VPS13B: variants seen among roughly 807,000 people sequenced by gnomAD.
The protein encoded by VPS13B is vacuolar protein sorting 13 homolog B, also known as intermembrane lipid transfer protein VPS13B.
In VPS13B, 285 loss-of-function variants were observed where a neutral mutation model predicts 426.4. That is an observed-to-expected ratio of 0.67 (90% CI 0.61 to 0.74). The LOEUF (loss-of-function observed/expected upper bound fraction) is 0.74. VPS13B is among the 30% of genes least tolerant of loss of function. VPS13B has a pLI of 0.00. For missense variants in VPS13B, 4,537 were observed against 4,782.6 expected, an observed-to-expected ratio of 0.95 and a Z score of 1.51; for synonymous variants, 1,676 against 1,676.4, an observed-to-expected ratio of 1.00 and a Z score of 0.01.
At chr8:99,535,541 A>G (rs1381243929) in intron 30 of VPS13B, among the ~76,000 whole-genome samples, 9 of 152,356 alleles carry the variant, frequency 5.9e-5, no homozygotes, top group East Asian at 1.9e-4. Flanking sequence ...AGGTAATGAA[A>G]AATACAAACA....
intron 3 of VPS13B, among the ~76,000 whole-genome samples, chr8:99,063,984 A>G (rs1249498954): frequency 6.6e-6 from 1 of 152,204 alleles, no homozygotes; most frequent in African/African-American, 2.4e-5. Flanking sequence ...GCAAACTCCA[A>G]CAGACTTGCA....
At chr8:99,417,877 A>G (rs1466170247) in intron 21 of VPS13B, among the ~76,000 whole-genome samples, 1 of 151,914 alleles carries the variant, frequency 6.6e-6, no homozygotes, top group African/African-American at 2.4e-5. Context: ...TATTGTTTAT[A>G]TCCTGCAAAT....
intron 33 of VPS13B, among the ~76,000 whole-genome samples, chr8:99,587,933 T>C (rs1470473715): frequency 6.6e-6 from 1 of 151,804 alleles, no homozygotes; most frequent in Non-Finnish European, 1.5e-5. Context: ...TAGGTTTTCT[T>C]CTAGGGTTTT....
chr8:99,282,798 C>A (rs771564639), intron 19 of VPS13B, among the ~76,000 whole-genome samples: 3 of 152,044 alleles, frequency 2.0e-5, no homozygotes, highest in Non-Finnish European at 4.4e-5. Flanking sequence ...GTAAACCAGT[C>A]TTTATTATCT....
chr8:99,113,669 A>G (rs1165356348), intron 6 of VPS13B, among the ~76,000 whole-genome samples: 2 of 151,996 alleles, frequency 1.3e-5, no homozygotes, highest in Non-Finnish European at 2.9e-5. Context: ...GGTTCAAGTG[A>G]TTCTCCTGCC....
chr8:99,769,192 A>AT (rs1811367017), intron 40 of VPS13B, among the ~76,000 whole-genome samples: 2 of 152,162 alleles, frequency 1.3e-5, no homozygotes, highest in Admixed American at 6.6e-5. Flanking sequence ...ACCTTACCTA[A>AT]TATTTCACAA....
At chr8:99,239,483 T>C (rs1816807246) in intron 17 of VPS13B, among the ~76,000 whole-genome samples, 1 of 152,208 alleles carries the variant, frequency 6.6e-6, no homozygotes, top group African/African-American at 2.4e-5. Context: ...CACTTTGGTG[T>C]TTCTGGTATT....
intron 21 of VPS13B, among the ~76,000 whole-genome samples, chr8:99,429,305 G>A (rs1413384053): frequency 2.7e-5 from 4 of 149,314 alleles, no homozygotes; most frequent in Non-Finnish European, 3.0e-5. Context: ...AAAAGAAAAA[G>A]TATGTCTGAT....
chr8:99,170,616 G>A (rs1812277538), intron 16 of VPS13B, among the ~76,000 whole-genome samples: 1 of 151,760 alleles, frequency 6.6e-6, no homozygotes, highest in Non-Finnish European at 1.5e-5. Flanking sequence ...ATGTCTAGTA[G>A]CTATATTTTA....
chr8:99,648,142 C>A (rs191577356), intron 34 of VPS13B, among the ~76,000 whole-genome samples: 4 of 152,298 alleles, frequency 2.6e-5, no homozygotes, highest in African/African-American at 9.6e-5. Flanking sequence ...TTCATTCATT[C>A]GCTGAATGTG....
At chr8:99,388,824 C>A (rs1402511090) in intron 20 of VPS13B, among the ~76,000 whole-genome samples, 3 of 152,144 alleles carry the variant, frequency 2.0e-5, no homozygotes, top group Admixed American at 6.5e-5. Flanking sequence ...TTTTGTTTGG[C>A]CTTGGCCTTT....
intron 15 of VPS13B, among the ~76,000 whole-genome samples, chr8:99,163,959 C>G (rs1473855490): frequency 1.3e-5 from 2 of 152,174 alleles, no homozygotes; most frequent in Non-Finnish European, 2.9e-5. Context: ...GCTGTCACCT[C>G]TCAATCCCCC....
chr8:99,455,804 T>C (rs984613362), intron 23 of VPS13B, among the ~76,000 whole-genome samples: 4 of 152,234 alleles, frequency 2.6e-5, no homozygotes, highest in Non-Finnish European at 2.9e-5. Context: ...ATCAGTAGTG[T>C]TCCTTTTTAT....
chr8:99,402,471 C>T (rs1173645255), intron 21 of VPS13B, among the ~76,000 whole-genome samples: 1 of 152,094 alleles, frequency 6.6e-6, no homozygotes, highest in Non-Finnish European at 1.5e-5. Flanking sequence ...CAGTCCCTTC[C>T]TATCTTAAGA....
chr8:99,025,065 C>A (rs952391220), intron 2 of VPS13B, among the ~76,000 whole-genome samples: 11 of 151,942 alleles, frequency 7.2e-5, no homozygotes, highest in African/African-American at 2.7e-4. Context: ...AATGGGATCA[C>A]TTTCTTGATT....
At chr8:99,718,941 C>T (rs1428834750) in intron 37 of VPS13B, among the ~76,000 whole-genome samples, 1 of 152,072 alleles carries the variant, frequency 6.6e-6, no homozygotes, top group Non-Finnish European at 1.5e-5. Context: ...CCATACATAG[C>T]ACCCGGCCAA....
intron 36 of VPS13B, among the ~76,000 whole-genome samples, chr8:99,709,304 T>C (rs923663659): frequency 1.3e-5 from 2 of 152,186 alleles, no homozygotes; most frequent in Admixed American, 1.3e-4. Context: ...TGCATTTTGC[T>C]TAGTCAGCAT....
intron 43 of VPS13B, among the ~76,000 whole-genome samples, chr8:99,789,506 G>C (rs970697443): frequency 1.3e-5 from 2 of 152,052 alleles, no homozygotes; most frequent in African/African-American, 4.8e-5. Context: ...GAAAGCAATT[G>C]GGTAAGAAAC....
At chr8:99,697,121 C>T in intron 35 of VPS13B, 1 of 527,450 alleles carries the variant, frequency 1.9e-6, no homozygotes, top group Non-Finnish European at 3.5e-6. Flanking sequence ...TGCCAGCTGA[C>T]CAGCTCAAGT....
Sources: allele counts gnomAD v4.1 joint callset (sites outside exome capture counted in the v4.1 genomes callset), GRCh38; gene constraint gnomAD v4.1.1; transcripts MANE v1.5; gene names NCBI Gene and HGNC (gene_info 2026-07-23, HGNC 2026-07-21).